The following KIF1A variants were observed in gnomAD, a reference collection of about 807,000 sequenced individuals.
The protein encoded by KIF1A is kinesin family member 1A, also known as kinesin-like protein KIF1A.
Under a neutral mutation model 227.3 loss-of-function variants are expected in KIF1A, and 46 were observed. The ratio of observed to expected loss-of-function variants is 0.20; its 90% CI spans 0.16 to 0.26. KIF1A has a LOEUF of 0.26. Among genes scored for constraint, KIF1A ranks in the 10% least tolerant of loss-of-function variants. The probability of loss-of-function intolerance (pLI) is 1.00; values close to 1 mark genes in which losing one functional copy is unlikely to be tolerated. For missense variants in KIF1A, 1,683 were observed against 2,485.9 expected (o/e 0.68, Z 6.87); for synonymous variants, 1,022 against 1,012.8 (o/e 1.01, Z -0.17).
In KIF1A at chr2:240,726,804, T is replaced by G; in HGVS notation, c.4122+22A>C. 1 of 1,464,236 alleles carries G rather than the reference T, an allele frequency of 6.8e-7. No individual in the cohort carries two copies. Among genetic ancestry groups the G allele is most frequent in the Non-Finnish European group, 9.5e-7 (1 of 1,052,180 alleles). The allele number at this position is 1,464,236 out of a possible 1,614,324, so 90.7% of individuals were successfully genotyped here. ...CAGGGGCTGAGTGGTTTTGGTGGAG[T>G]GCCCTGGCATAGGTGCCTTGCCTCG... On this transcript the variant is annotated intron_variant, in intron 39 of 48. Transcript: ENST00000498729. This position sits in a 1 kb window ranked among gnomAD's most constrained non-coding sequence, Gnocchi z 5.2.
In KIF1A at chr2:240,810,781, G is replaced by A. The variant is rs866348040; in HGVS notation, c.-61+9341C>T. Among the ~76,000 whole-genome samples the A allele has an allele frequency of 3.3e-5, 5 of 152,316 alleles. No individual in the cohort carries two copies. The East Asian group carries it at 5.8e-4, about 18-fold the overall frequency. On this transcript the variant is annotated intron_variant, in intron 1 of 48. Coordinates refer to ENST00000498729, the MANE Select transcript of KIF1A (RefSeq NM_001244008.2). ...CAGCACCGAATTCATGGTGCTGGGC[G>A]TGGAGGGGGTCTAAGGGCCTGGACG...
Position 240,775,794 on chromosome 2 carries a change from G to A in KIF1A, c.958+57C>T. The A allele has an allele frequency of 8.4e-7, 1 of 1,192,180 alleles. No individual in the cohort carries two copies. The highest frequency in any genetic ancestry group is 1.3e-6 in the Non-Finnish European group (1 of 795,932). 73.9% of individuals were successfully genotyped at this position (1,192,180 alleles called of 1,614,324 possible). On this transcript the variant is annotated intron_variant, in intron 11 of 48. Coordinates refer to ENST00000498729, the MANE Select transcript of KIF1A (RefSeq NM_001244008.2). The surrounding 1 kb of genome is among the most constrained non-coding windows in gnomAD (Gnocchi z 5.5). ...GGGCACCCCCTCAGTGGGGAAGAAG[G>A]GCACAGCCCAGGGTGGGATCAGAGC...
rs2052644142 is a variant in KIF1A at position 240,775,749 on chromosome 2, TGA to T, written c.958+100_958+101del. 8.9e-6 allele frequency: 7 copies of T among 787,478 alleles called. No individual in the cohort carries two copies. The highest frequency in any genetic ancestry group is 1.6e-5 in the Non-Finnish European group (7 of 447,200). The allele number at this position is 787,478 out of a possible 1,614,324, so 48.8% of individuals were successfully genotyped here. ...CCTCCCAGCCTCAGCCCAGAAAGGGTGAGAGGCCTGCTGGCGACTGGGCACCC... is the reference window on the plus strand; with the variant it reads ...CCTCCCAGCCTCAGCCCAGAAAGGGTGAGGCCTGCTGGCGACTGGGCACCC... On this transcript the variant is annotated intron_variant, in intron 11 of 48. Coordinates refer to ENST00000498729, the MANE Select transcript of KIF1A (RefSeq NM_001244008.2). This position sits in a 1 kb window ranked among gnomAD's most constrained non-coding sequence, Gnocchi z 5.5.
chr2:240,749,304 G>A (rs2048951836), intron 28 of KIF1A, among the ~76,000 whole-genome samples: 1 of 152,178 alleles, frequency 6.6e-6, no homozygotes, highest in African/African-American at 2.4e-5. Context: ...TGGAGAATAT[G>A]AGCCATCTCG....
chr2:240,782,658 G>C (rs1238873485), intron 9 of KIF1A, 51 bp from the exon 10 acceptor site: 1 of 1,543,888 alleles, frequency 6.5e-7, no homozygotes, highest in East Asian at 2.4e-5. Context: ...AAGCTGGCGC[G>C]GGCTGTGGGG....
intron 1 of KIF1A, among the ~76,000 whole-genome samples, chr2:240,799,329 A>G (rs1050143787): frequency 6.6e-6 from 1 of 152,202 alleles, no homozygotes; most frequent in Non-Finnish European, 1.5e-5. Context: ...GGCCACTCCC[A>G]GGCTCCCCAG....
Position 240,718,043 on chromosome 2 carries a change from G to A in KIF1A, c.5333+7C>T, listed in dbSNP as rs1253715454. On this transcript the variant is annotated splice_region_variant and intron_variant, in intron 48 of 48. Transcript: ENST00000498729. ...TGGCAGCAACCTCGCCCTGCAGGCG[G>A]CCCTACCGTATGGTCCCGGCCAGGA... The A allele has an allele frequency of 6.3e-7, 1 of 1,588,496 alleles. No homozygotes were observed.
Position 240,736,295 on chromosome 2 carries a change from C to T in KIF1A, c.4007+768G>A, listed in dbSNP as rs1336487687. On this transcript the variant is annotated intron_variant, in intron 38 of 48. Transcript: ENST00000498729. This position sits in a 1 kb window ranked among gnomAD's most constrained non-coding sequence, Gnocchi z 4.7. Reference sequence around the variant, plus strand: ...TGGGCTTGTGCATCATGAGCCAGGTCGAGCCCCCAGGGAGCAGCCAGGACT... The same window carrying T: ...TGGGCTTGTGCATCATGAGCCAGGTTGAGCCCCCAGGGAGCAGCCAGGACT... Among the ~76,000 whole-genome samples, 3 of 152,082 alleles carry T rather than the reference C, an allele frequency of 2.0e-5. No individual in the cohort carries two copies. Among genetic ancestry groups the T allele is most frequent in the Admixed American group, 6.5e-5 (1 of 15,272 alleles).
At position 240,767,358 on chromosome 2, in the gene KIF1A, A is replaced by G. The variant is rs1403041401; in HGVS notation, c.1498-13T>C. The G allele has an allele frequency of 1.2e-6, 2 of 1,609,498 alleles. No individual in the cohort carries two copies. Among genetic ancestry groups the G allele is most frequent in the Non-Finnish European group, 1.7e-6 (2 of 1,176,282 alleles). On this transcript the variant is annotated splice_polypyrimidine_tract_variant and intron_variant, in intron 17 of 48. Transcript: ENST00000498729. ...CGAGGTGTGGTGTCTGCAGGGAGAC[A>G]GGAGGATCATCTCTCTTGCAGAGGG...
intron 7 of KIF1A, among the ~76,000 whole-genome samples, chr2:240,784,337 C>T (rs1237897504): frequency 5.3e-5 from 8 of 152,164 alleles, no homozygotes; most frequent in Non-Finnish European, 1.2e-4. Flanking sequence ...TGAGCCATAG[C>T]TACAGGGCAG....
At chr2:240,806,604 C>T (rs1292793928) in intron 1 of KIF1A, among the ~76,000 whole-genome samples, 1 of 152,086 alleles carries the variant, frequency 6.6e-6, no homozygotes, top group East Asian at 1.9e-4. Context: ...AAGTTAAGCG[C>T]CTGCCAAGAC....
chr2:240,720,036 T>C, intron 45 of KIF1A, 110 bp from the exon 46 acceptor site: 1 of 1,113,990 alleles, frequency 9.0e-7, no homozygotes. Context: ...GTAGGGCACC[T>C]TCGCAGGGTC....
chr2:240,721,903 C>A lies in KIF1A; in HGVS notation c.4666-19G>T. 6.3e-7 allele frequency: 1 copy of A among 1,592,980 alleles called. No homozygotes were observed. The highest frequency in any genetic ancestry group is 8.5e-7 in the Non-Finnish European group (1 of 1,173,564). The stretch of plus-strand genomic sequence containing the variant: ...GCAAGCACTGTGGACAGAGCACACG[C>A]GTGGTCAGGGGCCAGGCCTCCCGGG... On this transcript the variant is annotated intron_variant, in intron 43 of 48. Transcript: ENST00000498729.
chr2:240,778,374 C>G lies in KIF1A; in HGVS notation c.883-2448G>C, dbSNP rs1021959434. On this transcript the variant is annotated intron_variant, in intron 10 of 48. Coordinates refer to ENST00000498729, the MANE Select transcript of KIF1A (RefSeq NM_001244008.2). The surrounding 1 kb of genome is among the most constrained non-coding windows in gnomAD (Gnocchi z 7.2). ...CCCCACCGTCCCTGACACACTCGCT[C>G]TCACGGTTCCTCACAGCTCCAGAGA... is the stretch of plus-strand genomic sequence containing the variant. Among the ~76,000 whole-genome samples, 20 of 152,206 alleles carry G rather than the reference C, an allele frequency of 1.3e-4. No homozygotes were observed. The highest frequency in any genetic ancestry group is 1.1e-3 in the Admixed American group (17 of 15,290).
At chr2:240,764,179 C>A (rs1308673805) in intron 20 of KIF1A, among the ~76,000 whole-genome samples, 1 of 152,158 alleles carries the variant, frequency 6.6e-6, no homozygotes, top group Admixed American at 6.5e-5. Context: ...GCAGGTCTGT[C>A]CCCCCTCAGC....
chr2:240,768,912 G>A (rs967816344), intron 17 of KIF1A, among the ~76,000 whole-genome samples: 2 of 152,032 alleles, frequency 1.3e-5, no homozygotes, highest in Non-Finnish European at 2.9e-5. Context: ...CCCATCTGAT[G>A]TCCCAAAGCC....
At chr2:240,783,866 G>A in intron 7 of KIF1A, 50 bp from the exon 8 acceptor site, 1 of 1,391,816 alleles carries the variant, frequency 7.2e-7, no homozygotes, top group Non-Finnish European at 1.0e-6. Flanking sequence ...GATGCGCGGG[G>A]GCATCCCAGG....
chr2:240,785,137 C>T (rs1452744211), intron 6 of KIF1A, 37 bp from the exon 7 acceptor site: 3 of 1,552,818 alleles, frequency 1.9e-6, no homozygotes, highest in Non-Finnish European at 2.7e-6. Flanking sequence ...TACCCCTCGT[C>T]CTGTGGCCGG....
intron 44 of KIF1A, among the ~76,000 whole-genome samples, chr2:240,721,521 A>C (rs1470131548): frequency 6.6e-6 from 1 of 152,162 alleles, no homozygotes; most frequent in Non-Finnish European, 1.5e-5. Flanking sequence ...GGTGATGGCC[A>C]GACAGGGTGG....
Sources: allele counts gnomAD v4.1 joint callset (sites outside exome capture counted in the v4.1 genomes callset), GRCh38; gene constraint gnomAD v4.1.1; non-coding constraint Gnocchi (gnomAD v3.1); transcripts MANE v1.5; gene names NCBI Gene and HGNC (gene_info 2026-07-23, HGNC 2026-07-21).